APMAP: variants seen among roughly 807,000 people sequenced by gnomAD.
APMAP encodes adipocyte plasma membrane-associated protein.
A neutral mutation model predicts 43.6 loss-of-function variants in APMAP; 33 were observed. The observed-to-expected ratio is 0.76, with a 90% confidence interval of 0.57 to 1.01. The LOEUF is 1.01. Among genes scored for constraint, APMAP ranks in the 50% least tolerant of loss-of-function variants. The probability of loss-of-function intolerance (pLI) is 0.00; values close to 1 mark genes in which losing one functional copy is unlikely to be tolerated. For synonymous variants in APMAP, 224 were observed against 216.7 expected (o/e 1.03, Z -0.30); for missense variants, 498 against 540.7 (o/e 0.92, Z 0.78).
chr20:24,984,862 C>A (rs766495877), intron 1 of APMAP, among the ~76,000 whole-genome samples: 20 of 152,168 alleles, frequency 1.3e-4, no homozygotes, highest in Non-Finnish European at 2.5e-4. Context: ...TACTTGCTTA[C>A]ATGAATTGAA....
chr20:24,973,548 TCCCACAGG>T, intron 4 of APMAP, 89 bp downstream of exon 4: 1 of 1,199,386 alleles, frequency 8.3e-7, no homozygotes, highest in Admixed American at 2.2e-5. Flanking sequence ...GTTCTTTTTC[TCCCACAGG>T]CATTCTAGGG....
At position 24,968,932 on chromosome 20, in the gene APMAP, A is replaced by T; in HGVS notation, c.1001T>A (p.Phe334Tyr). The T allele has an allele frequency of 6.2e-7, 1 of 1,610,708 alleles. No homozygotes were observed. Among genetic ancestry groups the T allele is most frequent in the Non-Finnish European group, 8.5e-7 (1 of 1,178,480 alleles). Reference sequence around the variant, plus strand: ...TTTAATCCAGGGTCTCTCAGATAAGAAATCCAGCATGGAAAACCCAGGGTT... The same window carrying T: ...TTTAATCCAGGGTCTCTCAGATAAGTAATCCAGCATGGAAAACCCAGGGTT... ...RPNPGFSMLDFLSERPWIKRM... is the reference protein window; with the variant it reads ...RPNPGFSMLDYLSERPWIKRM... Residue 334 changes from phenylalanine to tyrosine, a missense_variant, in exon 8 of 9, where the codon TTC becomes TAC. Coordinates refer to ENST00000217456, the MANE Select transcript of APMAP (RefSeq NM_020531.3).
intron 2 of APMAP, among the ~76,000 whole-genome samples, chr20:24,981,986 A>T (rs1022272387): frequency 6.6e-6 from 1 of 152,236 alleles, no homozygotes; most frequent in Non-Finnish European, 1.5e-5. Context: ...CATGAGACAC[A>T]CCAAGCTCTG....
At chr20:24,987,992 G>A (rs1765089898) in intron 1 of APMAP, among the ~76,000 whole-genome samples, 1 of 152,186 alleles carries the variant, frequency 6.6e-6, no homozygotes, top group Non-Finnish European at 1.5e-5. Flanking sequence ...CCCAAAGAGA[G>A]ACAAAGCATA....
At chr20:24,986,547 A>G (rs1191822800) in intron 1 of APMAP, among the ~76,000 whole-genome samples, 1 of 152,228 alleles carries the variant, frequency 6.6e-6, no homozygotes, top group Admixed American at 6.5e-5. Flanking sequence ...AGGCATAAAA[A>G]TGTCTACAAA....
intron 8 of APMAP, among the ~76,000 whole-genome samples, chr20:24,967,603 A>T (rs2087957186): frequency 6.6e-6 from 1 of 152,252 alleles, no homozygotes; most frequent in Non-Finnish European, 1.5e-5. Context: ...AAGAGACACA[A>T]CCACCACTCA....
chr20:24,973,811 G>A, intron 3 of APMAP, 74 bp from the exon 4 acceptor site: 1 of 1,361,272 alleles, frequency 7.3e-7, no homozygotes, highest in South Asian at 1.2e-5. Flanking sequence ...TCTCCTACAA[G>A]AGGGCTTGTT....
chr20:24,973,793 A>C, intron 3 of APMAP, 56 bp from the exon 4 acceptor site: 18 of 1,502,624 alleles, frequency 1.2e-5, no homozygotes, highest in Non-Finnish European at 5.5e-6. Context: ...AATGTGACTA[A>C]GCCGCCTTCT....
In APMAP at chr20:24,963,344, GCTCCCT is replaced by G. The variant is rs1379101154; in HGVS notation, c.*463_*468del. On this transcript the variant is annotated 3_prime_UTR_variant, in exon 9 of 9. Coordinates refer to ENST00000217456, the MANE Select transcript of APMAP (RefSeq NM_020531.3). ...GCTGGCCTCAACACCCCTGGGCCAT[GCTCCCT>G]CTGCTCTTCCATCCCCACCACAACG... 1.7e-5 allele frequency: 3 copies of G among 172,440 alleles called. No homozygotes were observed. Among genetic ancestry groups the G allele is most frequent in the Non-Finnish European group, 3.8e-5 (3 of 79,754 alleles). 10.7% of individuals were successfully genotyped at this position (172,440 alleles called of 1,614,324 possible).
At chr20:24,978,687 T>C in intron 3 of APMAP, 80 bp downstream of exon 3, 1 of 1,144,596 alleles carries the variant, frequency 8.7e-7, no homozygotes, top group Non-Finnish European at 1.3e-6. Context: ...AGCGTGCCAC[T>C]GCAGCTGCTC....
chr20:24,978,828 T>A lies in APMAP; in HGVS notation c.267A>T (p.Arg89=). The change falls in exon 3 of 9, where the codon CGA becomes CGT. Residue 89 remains arginine (R), a synonymous_variant. Coordinates refer to ENST00000217456, the MANE Select transcript of APMAP (RefSeq NM_020531.3). ...LGVLHPNTKL[R]QAERLFENQL... ...GATTTTCAAACAGCCTTTCTGCCTG[T>A]CGCAGCTTCGTATTTGGATGCAGAA... 1 of 1,610,468 alleles carries A rather than the reference T, an allele frequency of 6.2e-7. No homozygotes were observed. Among genetic ancestry groups the A allele is most frequent in the Non-Finnish European group, 8.5e-7 (1 of 1,177,688 alleles).
At chr20:24,973,376 G>A (rs970670471) in intron 4 of APMAP, among the ~76,000 whole-genome samples, 5 of 152,206 alleles carry the variant, frequency 3.3e-5, no homozygotes, top group African/African-American at 1.2e-4. Flanking sequence ...CCAATAAAAT[G>A]GTGAGGGGCG....
chr20:24,971,507 A>G lies in APMAP; in HGVS notation c.491T>C (p.Phe164Ser). 1.2e-6 allele frequency: 2 copies of G among 1,614,230 alleles called. No homozygotes were observed. The highest frequency in any genetic ancestry group is 1.7e-6 in the Non-Finnish European group (2 of 1,180,026). ...TAGTCCCTTGTATGCATCGGCCACAAAGAGAGTCCCATTGGGCCCTGCACG... is the reference window on the plus strand; with the variant it reads ...TAGTCCCTTGTATGCATCGGCCACAGAGAGAGTCCCATTGGGCCCTGCACG... Reference protein sequence around the residue: ...GIRAGPNGTLFVADAYKGLFE... With the variant: ...GIRAGPNGTLSVADAYKGLFE... Residue 164 changes from phenylalanine to serine, a missense_variant, in exon 5 of 9, where the codon TTT (phenylalanine) becomes TCT (serine). Physicochemically the swap from Phe to Ser is radical, Grantham distance 155 (BLOSUM62 -2). Coordinates refer to ENST00000217456, the MANE Select transcript of APMAP (RefSeq NM_020531.3).
At chr20:24,987,381 T>C (rs6037003) in intron 1 of APMAP, among the ~76,000 whole-genome samples, 114,533 of 152,142 alleles carry the variant, frequency 0.75, 43,440 homozygotes, top group East Asian at 0.99. Context: ...ACCTTAGCCT[T>C]CCAAAGTGCA....
Position 24,963,503 on chromosome 20 carries a change from A to T in APMAP, c.*310T>A. The T allele has an allele frequency of 2.7e-6, 1 of 367,888 alleles. No homozygotes were observed. The highest frequency in any genetic ancestry group is 2.7e-5 in the South Asian group (1 of 36,822). The allele number at this position is 367,888 out of a possible 1,614,324, so 22.8% of individuals were successfully genotyped here. ...CCACCTGAGCCCTGTTCCAAGTGCA[A>T]GGAGCTTCCCAAATCCTAGAGAATG... On this transcript the variant is annotated 3_prime_UTR_variant, in exon 9 of 9. Transcript: ENST00000217456.
chr20:24,973,436 A>C (rs2088022366), intron 4 of APMAP, among the ~76,000 whole-genome samples: 1 of 152,210 alleles, frequency 6.6e-6, no homozygotes, highest in South Asian at 2.1e-4. Context: ...CAGCTGCAAA[A>C]TGGGGACTGT....
At chr20:24,984,534 T>TTC (rs1254699607) in intron 1 of APMAP, among the ~76,000 whole-genome samples, 2 of 152,186 alleles carry the variant, frequency 1.3e-5, no homozygotes, top group South Asian at 4.1e-4. Flanking sequence ...TTCCTGAGGA[T>TTC]CCAATTCCCC....
At chr20:24,992,522 C>T in intron 1 of APMAP, 72 bp downstream of exon 1, 1 of 1,260,736 alleles carries the variant, frequency 7.9e-7, no homozygotes, top group East Asian at 3.1e-5. Flanking sequence ...ACTGCCGTCG[C>T]CGCTGTCCAA....
chr20:24,982,087 A>G, intron 2 of APMAP, among the ~76,000 whole-genome samples: 1 of 152,226 alleles, frequency 6.6e-6, no homozygotes, highest in East Asian at 1.9e-4. Flanking sequence ...CCCAGGAGAG[A>G]GGCCCCTGTT....
Sources: allele counts gnomAD v4.1 joint callset (sites outside exome capture counted in the v4.1 genomes callset), GRCh38; gene constraint gnomAD v4.1.1; transcripts MANE v1.5; gene names NCBI Gene and HGNC (gene_info 2026-07-23, HGNC 2026-07-21).